KCND2: variants seen among roughly 807,000 people sequenced by gnomAD.
The protein encoded by KCND2 is potassium voltage-gated channel subfamily D member 2.
Under a neutral mutation model 54.4 loss-of-function variants are expected in KCND2, and 16 were observed. That is an observed-to-expected ratio of 0.29 (90% confidence interval 0.20 to 0.45). KCND2 has a LOEUF of 0.45. Ranked by LOEUF, KCND2 falls within the 20% of genes least tolerant of loss-of-function variation. The pLI, the probability that KCND2 is intolerant of heterozygous loss-of-function variation, is 1.00. For synonymous variants in KCND2, 317 were observed against 310.7 expected (o/e 1.02, Z -0.21); for missense variants, 486 against 824.2 (o/e 0.59, Z 5.02).
In KCND2 at chr7:120,483,186, C is replaced by T. The variant is rs1229730604; in HGVS notation, c.1115+207439C>T. Among the ~76,000 whole-genome samples the T allele has an allele frequency of 2.0e-5, 3 of 152,148 alleles. No homozygotes were observed. The East Asian group carries it at 5.8e-4, about 29-fold the overall frequency. ...AAAAACACTCAATTAGCCTTTCTTC[C>T]TGACACTATCAGAGTCTTTAAAAAT... On this transcript the variant is annotated intron_variant, in intron 1 of 5. Coordinates refer to ENST00000331113, the MANE Select transcript of KCND2 (RefSeq NM_012281.3).
chr7:120,687,732 A>G (rs1415897394), intron 1 of KCND2, among the ~76,000 whole-genome samples: 1 of 152,148 alleles, frequency 6.6e-6, no homozygotes, highest in Non-Finnish European at 1.5e-5. Flanking sequence ...TTCAAAATAC[A>G]TTTTTTTAAA....
chr7:120,694,903 C>T (rs1584886840), intron 1 of KCND2, among the ~76,000 whole-genome samples: 1 of 152,144 alleles, frequency 6.6e-6, no homozygotes, highest in East Asian at 1.9e-4. Flanking sequence ...TTCTCCCTAA[C>T]CTCAACCTCA....
chr7:120,527,832 T>C (rs1791795410), intron 1 of KCND2, among the ~76,000 whole-genome samples: 1 of 152,130 alleles, frequency 6.6e-6, no homozygotes, highest in South Asian at 2.1e-4. Flanking sequence ...TATAAGGACA[T>C]GTTTATGAAA....
chr7:120,588,273 CTGATATTT>C, intron 1 of KCND2, among the ~76,000 whole-genome samples: 2 of 152,222 alleles, frequency 1.3e-5, no homozygotes, highest in Admixed American at 1.3e-4. Context: ...CTCATTTTAA[CTGATATTT>C]TGTAATCCTA....
chr7:120,563,110 G>T (rs1048291431), intron 1 of KCND2, among the ~76,000 whole-genome samples: 1 of 151,984 alleles, frequency 6.6e-6, no homozygotes, highest in African/African-American at 2.4e-5. Flanking sequence ...ATAGTTAGAG[G>T]TTCTAATGTT....
At chr7:120,281,237 A>G (rs752695953) in intron 1 of KCND2, among the ~76,000 whole-genome samples, 3 of 151,956 alleles carry the variant, frequency 2.0e-5, no homozygotes, top group African/African-American at 7.2e-5. Flanking sequence ...TTTTTCCTTT[A>G]AAGTTGTGAT....
At chr7:120,482,331 C>A (rs1562851081) in intron 1 of KCND2, among the ~76,000 whole-genome samples, 1 of 152,148 alleles carries the variant, frequency 6.6e-6, no homozygotes, top group Non-Finnish European at 1.5e-5. Flanking sequence ...CCTTGAGTCT[C>A]ACCCATATCT....
chr7:120,564,623 T>C (rs1165486783), intron 1 of KCND2, among the ~76,000 whole-genome samples: 1 of 152,136 alleles, frequency 6.6e-6, no homozygotes, highest in African/African-American at 2.4e-5. Flanking sequence ...AAAAAGTATA[T>C]AAATTTAAGG....
At chr7:120,705,498 G>GCTGTTT (rs1792456576) in intron 1 of KCND2, among the ~76,000 whole-genome samples, 1 of 152,098 alleles carries the variant, frequency 6.6e-6, no homozygotes, top group African/African-American at 2.4e-5. Context: ...CTTCTCCAAG[G>GCTGTTT]CTGTTTTCTC....
At chr7:120,613,698 G>A (rs1023472557) in intron 1 of KCND2, among the ~76,000 whole-genome samples, 1 of 152,094 alleles carries the variant, frequency 6.6e-6, no homozygotes, top group African/African-American at 2.4e-5. Flanking sequence ...GGACATTCTG[G>A]CTGGGGAGGT....
intron 1 of KCND2, among the ~76,000 whole-genome samples, chr7:120,690,768 T>C (rs1218118491): frequency 6.6e-6 from 1 of 152,172 alleles, no homozygotes. Flanking sequence ...AATACAGCAA[T>C]GCATAAAAGA....
chr7:120,388,816 TTA>T (rs1801027970), intron 1 of KCND2, among the ~76,000 whole-genome samples: 1 of 151,634 alleles, frequency 6.6e-6, no homozygotes, highest in Non-Finnish European at 1.5e-5. Flanking sequence ...ACTTAAATGG[TTA>T]TATGTTATAC....
At position 120,748,088 on chromosome 7, in the gene KCND2, T is replaced by C. The variant is rs950782664; in HGVS notation, c.*230T>C. The C allele has an allele frequency of 1.0e-5, 4 of 392,492 alleles. No individual in the cohort carries two copies. Among genetic ancestry groups the C allele is most frequent in the Admixed American group, 4.1e-5 (1 of 24,322 alleles). The allele number at this position is 392,492 out of a possible 1,614,324, so 24.3% of individuals were successfully genotyped here. A position where few individuals can be genotyped will look rare whatever the true frequency, so the allele number is the denominator to read the frequency against. On this transcript the variant is annotated 3_prime_UTR_variant, in exon 6 of 6. Transcript: ENST00000331113. ...AATATTCTGTGGCCCTTTGACTTTG[T>C]GAATGAGCACAATGAAATGCCGCCT...
At chr7:120,554,067 C>G (rs1243396931) in intron 1 of KCND2, among the ~76,000 whole-genome samples, 1 of 152,144 alleles carries the variant, frequency 6.6e-6, no homozygotes, top group African/African-American at 2.4e-5. Flanking sequence ...GTCATTACTC[C>G]CATTAGGGTT....
intron 1 of KCND2, among the ~76,000 whole-genome samples, chr7:120,358,195 C>T (rs892777734): frequency 2.6e-5 from 4 of 152,064 alleles, no homozygotes; most frequent in Non-Finnish European, 4.4e-5. Flanking sequence ...TAGGAATTAG[C>T]AAGGTGTGTA....
intron 2 of KCND2, among the ~76,000 whole-genome samples, chr7:120,735,438 T>C (rs545806750): frequency 6.6e-6 from 1 of 152,192 alleles, no homozygotes; most frequent in African/African-American, 2.4e-5. Context: ...TAGACATTTC[T>C]CCTTTAGTAT....
intron 1 of KCND2, among the ~76,000 whole-genome samples, chr7:120,525,196 A>C (rs539024924): frequency 6.6e-6 from 1 of 152,284 alleles, no homozygotes; most frequent in South Asian, 2.1e-4. Context: ...TATTGTGTTC[A>C]AATTCAAGTT....
At chr7:120,708,786 T>A (rs1792501412) in intron 1 of KCND2, among the ~76,000 whole-genome samples, 1 of 152,122 alleles carries the variant, frequency 6.6e-6, no homozygotes, top group African/African-American at 2.4e-5. Context: ...ATGCTGGTCT[T>A]TTTTCATAGC....
At chr7:120,304,695 T>C (rs150356391) in intron 1 of KCND2, among the ~76,000 whole-genome samples, 108 of 152,328 alleles carry the variant, frequency 7.1e-4, no homozygotes, top group African/African-American at 2.3e-3. Context: ...TTTTTCACAA[T>C]CTCTTTCTAC....
Sources: allele counts gnomAD v4.1 joint callset (sites outside exome capture counted in the v4.1 genomes callset), GRCh38; gene constraint gnomAD v4.1.1; transcripts MANE v1.5; gene names NCBI Gene and HGNC (gene_info 2026-07-23, HGNC 2026-07-21).